USP54: variants seen among roughly 807,000 people sequenced by gnomAD.
The protein encoded by USP54 is ubiquitin carboxyl-terminal hydrolase 54.
A neutral mutation model predicts 170.5 loss-of-function variants in USP54; 87 were observed. The observed-to-expected ratio is 0.51, with a 90% confidence interval of 0.43 to 0.61. The LOEUF (loss-of-function observed/expected upper bound fraction) is 0.61. Ranked by LOEUF, USP54 falls within the 20% of genes least tolerant of loss-of-function variation. The pLI is 0.00. For missense variants in USP54, 1,786 were observed against 2,047.8 expected, an observed-to-expected ratio of 0.87 and a Z score of 2.47; for synonymous variants, 655 against 742.8, an observed-to-expected ratio of 0.88 and a Z score of 1.92.
intron 1 of USP54, among the ~76,000 whole-genome samples, chr10:73,583,424 T>G (rs1243807225): frequency 6.6e-6 from 1 of 152,198 alleles, no homozygotes; most frequent in Non-Finnish European, 1.5e-5. Context: ...TAGCTGGGAT[T>G]ACAGGCGCCT....
At chr10:73,566,839 G>A (rs1280746152) in intron 4 of USP54, among the ~76,000 whole-genome samples, 1 of 152,070 alleles carries the variant, frequency 6.6e-6, no homozygotes, top group Admixed American at 6.6e-5. Context: ...AAAAAAGGGA[G>A]GAGAATGTAC....
rs1324202590 is a variant in USP54 at position 73,526,663 on chromosome 10, C to G, written c.2178G>C (p.Lys726Asn). 1.2e-6 allele frequency: 2 copies of G among 1,614,068 alleles called. No homozygotes were observed. The highest frequency in any genetic ancestry group is 1.7e-6 in the Non-Finnish European group (2 of 1,179,988). The change falls in exon 16 of 24, where the codon AAG becomes AAC. Residue 726 changes from lysine to asparagine, a missense_variant. Coordinates refer to ENST00000687698, the MANE Select transcript of USP54 (RefSeq NM_001391956.1). Reference protein sequence around the residue: ...DSTASMGGWTKSQPFSGEEIS... With the variant: ...DSTASMGGWTNSQPFSGEEIS... ...TCTGCTTACCAGAGAAAGGCTGACTCTTTGTCCAGCCACCCATGGATGCTG... is the reference window on the plus strand; with the variant it reads ...TCTGCTTACCAGAGAAAGGCTGACTGTTTGTCCAGCCACCCATGGATGCTG...
chr10:73,551,708 T>C (rs2069409445), intron 4 of USP54, among the ~76,000 whole-genome samples: 1 of 152,230 alleles, frequency 6.6e-6, no homozygotes, highest in Admixed American at 6.5e-5. Context: ...AAGAAATTAC[T>C]GCTGACATAG....
rs559343980 is a variant in USP54, at chr10:73,602,910, A to G, written c.-18+22657T>C. ...ATAATAGTGGTACAAAATATCTTCA[A>G]TCAGAAGTACATGGGTTCCAAATAG... On this transcript the variant is annotated intron_variant, in intron 1 of 22. Coordinates refer to the USP54 transcript ENST00000339859. Among the ~76,000 whole-genome samples the G allele has an allele frequency of 5.3e-5, 8 of 152,036 alleles. 1 individual carries two copies. In the South Asian group the frequency reaches 1.5e-3, roughly 28 times the overall value.
rs372459272 is a variant in USP54, at chr10:73,529,667, G to C, written c.2060+13C>G. 1 of 1,614,114 alleles carries C rather than the reference G, an allele frequency of 6.2e-7. No individual in the cohort carries two copies. Among genetic ancestry groups the C allele is most frequent in the Non-Finnish European group, 8.5e-7 (1 of 1,179,980 alleles). On this transcript the variant is annotated intron_variant, in intron 15 of 23. Coordinates refer to ENST00000687698, the MANE Select transcript of USP54 (RefSeq NM_001391956.1). ...GCAAGAGACAATGTTGCTGTTCAAA[G>C]GCCAAACAATACCTGTAGACATTTG...
intron 4 of USP54, among the ~76,000 whole-genome samples, chr10:73,551,483 T>C (rs973523163): frequency 6.6e-6 from 1 of 152,162 alleles, no homozygotes; most frequent in Non-Finnish European, 1.5e-5. Flanking sequence ...AGTTAAATAA[T>C]TGGATATGTG....
intron 4 of USP54, among the ~76,000 whole-genome samples, chr10:73,564,517 C>T (rs1214946542): frequency 6.6e-6 from 1 of 152,004 alleles, no homozygotes; most frequent in East Asian, 1.9e-4. Context: ...GTAGATACCA[C>T]ATTATCTTAA....
chr10:73,580,966 C>T (rs1039932178), intron 1 of USP54, among the ~76,000 whole-genome samples: 2 of 152,182 alleles, frequency 1.3e-5, no homozygotes, highest in Admixed American at 6.5e-5. Context: ...GTGTAGTAGG[C>T]TATACCATCT....
At chr10:73,600,202 G>A (rs1477213681) in intron 1 of USP54, among the ~76,000 whole-genome samples, 1 of 152,032 alleles carries the variant, frequency 6.6e-6, no homozygotes, top group African/African-American at 2.4e-5. Context: ...CCCGGCCCAA[G>A]GGCTCTTTTC....
At chr10:73,521,334 T>C (rs986880621) in intron 17 of USP54, among the ~76,000 whole-genome samples, 2 of 152,128 alleles carry the variant, frequency 1.3e-5, no homozygotes, top group African/African-American at 2.4e-5. Flanking sequence ...GCGGTACTTA[T>C]ATGACAGTGC....
At position 73,548,380 on chromosome 10, in the gene USP54, G is replaced by A. The variant is rs188463368; in HGVS notation, c.241-2708C>T. Among the ~76,000 whole-genome samples the A allele has an allele frequency of 3.2e-3, 492 of 152,260 alleles. 3 individuals are homozygous for A. Among genetic ancestry groups the A allele is most frequent in the Admixed American group, 4.6e-3 (70 of 15,298 alleles). ...TTTGACCCAGCAATCCCTTTACTGG[G>A]TATATACCCAAAGGATTATAAATCA... On this transcript the variant is annotated intron_variant, in intron 4 of 23. Transcript: ENST00000687698.
At chr10:73,573,895 C>T (rs1364430055) in intron 3 of USP54, among the ~76,000 whole-genome samples, 1 of 152,244 alleles carries the variant, frequency 6.6e-6, no homozygotes, top group African/African-American at 2.4e-5. Context: ...GACTAGTCTA[C>T]AGAATGGCTA....
At chr10:73,526,199 C>A (rs2062810396) in intron 16 of USP54, among the ~76,000 whole-genome samples, 1 of 152,144 alleles carries the variant, frequency 6.6e-6, no homozygotes, top group South Asian at 2.1e-4. Flanking sequence ...AAAGATGGAG[C>A]AACTGAAATG....
intron 1 of USP54, among the ~76,000 whole-genome samples, chr10:73,590,283 A>G (rs2078087788): frequency 6.6e-6 from 1 of 152,190 alleles, no homozygotes; most frequent in Non-Finnish European, 1.5e-5. Flanking sequence ...CACTTACCTC[A>G]TATTAGGAGC....
In USP54 at chr10:73,517,759, G is replaced by T. The variant is rs1213971869; in HGVS notation, c.2679-12C>A. Reference sequence around the variant, plus strand: ...GGATAGGCTGTTCACTGAAACAAATGGAGAGAGCTAGTCATAAGCTGCCTT... The same window carrying T: ...GGATAGGCTGTTCACTGAAACAAATTGAGAGAGCTAGTCATAAGCTGCCTT... On this transcript the variant is annotated splice_polypyrimidine_tract_variant and intron_variant, in intron 19 of 23. Coordinates refer to ENST00000687698, the MANE Select transcript of USP54 (RefSeq NM_001391956.1). 6.2e-7 allele frequency: 1 copy of T among 1,601,330 alleles called. No individual in the cohort carries two copies. Among genetic ancestry groups the T allele is most frequent in the African/African-American group, 1.3e-5 (1 of 74,692 alleles).
At chr10:73,569,423 T>C (rs1053519038) in intron 4 of USP54, among the ~76,000 whole-genome samples, 4 of 152,222 alleles carry the variant, frequency 2.6e-5, no homozygotes, top group Non-Finnish European at 5.9e-5. Context: ...GATTTGGTTT[T>C]ATTAAAATTC....
Position 73,541,402 on chromosome 10 carries a change from G to A in USP54, c.798C>T (p.Ser266=). 5.0e-6 allele frequency: 8 copies of A among 1,614,096 alleles called. No individual in the cohort carries two copies. The highest frequency in any genetic ancestry group is 1.3e-5 in the African/African-American group (1 of 75,024). ...HSDLAEDVIH[S]LGTCLKLGDL... The stretch of plus-strand genomic sequence containing the variant: ...CACCCAGCTTAAGGCAGGTTCCCAG[G>A]CTGTGGATAACATCTTCTGCTAAGT... Residue 266 remains serine, a synonymous_variant, in exon 9 of 24, where the codon AGC becomes AGT. Transcript: ENST00000687698.
At position 73,517,133 on chromosome 10, in the gene USP54, T is replaced by C; in HGVS notation, c.3293A>G (p.Gln1098Arg). The C allele has an allele frequency of 1.2e-6, 2 of 1,614,226 alleles. No individual in the cohort carries two copies. Among genetic ancestry groups the C allele is most frequent in the Non-Finnish European group, 1.7e-6 (2 of 1,180,046 alleles). ...CAATGAAGTTTTGAGGCTTTGGCCT[T>C]GGAGGCATTGGTTAGTTTTCTGCAC... Reference protein sequence around the residue: ...DPVQKTNQCLQGQSLKTSLTL... With the variant: ...DPVQKTNQCLRGQSLKTSLTL... The change falls in exon 20 of 24, where the codon CAA (glutamine) becomes CGA (arginine). Residue 1098 changes from glutamine (Q) to arginine (R), a missense_variant. Gln to Arg is a conservative substitution (Grantham distance 43). Around this residue, in one of 3 missense-constraint regions of USP54, gnomAD observed 1,418 missense variants for 1,569.0 expected, o/e 0.90. Coordinates refer to ENST00000687698, the MANE Select transcript of USP54 (RefSeq NM_001391956.1).
chr10:73,613,095 T>TGTA (rs2080285575), intron 1 of USP54, among the ~76,000 whole-genome samples: 1 of 149,954 alleles, frequency 6.7e-6, no homozygotes, highest in Non-Finnish European at 1.5e-5. Context: ...AGGTCAAGGC[T>TGTA]GTAGTGAGTG....
Sources: gnomAD v4.1 joint callset for allele counts (sites outside exome capture counted in the v4.1 genomes callset) on GRCh38, gnomAD v4.1.1 for gene constraint, gnomAD v4.1.1 regional missense constraint, MANE v1.5 for transcripts, NCBI Gene and HGNC (gene_info 2026-07-23, HGNC 2026-07-21) for gene names.